Variants in SMCO2 observed in about 807,000 individuals in gnomAD.
The protein encoded by SMCO2 is single-pass membrane and coiled-coil domain-containing protein 2.
SMCO2 carries 25 observed loss-of-function variants against 29.5 expected under a neutral mutation model. The observed-to-expected ratio is 0.85, with a 90% CI of 0.62 to 1.18. The LOEUF is 1.18. SMCO2 is among the 50% of genes most tolerant of loss of function. The pLI is 0.00. For synonymous variants in SMCO2, 117 were observed against 123.3 expected (o/e 0.95, Z 0.34); for missense variants, 348 against 344.5 (o/e 1.01, Z -0.08).
exon 3 of SMCO2, chr12:27,472,861 G>A: frequency 6.5e-7 from 1 of 1,550,204 alleles, no homozygotes; most frequent in South Asian, 1.2e-5. Flanking sequence ...CCCTCAAACT[G>A]ACTTCCTTCA....
At chr12:27,456,133 T>C in the SMCO2 span, among the ~76,000 whole-genome samples, 2 of 152,320 alleles carry the variant, frequency 1.3e-5, no homozygotes, top group East Asian at 3.9e-4. Context: ...GAGAATCACT[T>C]GAACCCGGGA....
the SMCO2 span, among the ~76,000 whole-genome samples, chr12:27,436,749 T>C: frequency 1.3e-5 from 2 of 152,216 alleles, no homozygotes; most frequent in Non-Finnish European, 2.9e-5. Context: ...GGTATGTTCC[T>C]GGTGAGCTAG....
At chr12:27,490,223 A>G (rs1345479635) in intron 5 of SMCO2, among the ~76,000 whole-genome samples, 1 of 152,246 alleles carries the variant, frequency 6.6e-6, no homozygotes, top group Non-Finnish European at 1.5e-5. Context: ...AATGAATCAC[A>G]TGCATTACAG....
chr12:27,435,193 C>CTGTGGGA, the SMCO2 span, among the ~76,000 whole-genome samples: 3 of 144,976 alleles, frequency 2.1e-5, no homozygotes, highest in Non-Finnish European at 4.5e-5. Context: ...ATTATACATC[C>CTGTGGGA]TGTATAATTC....
the SMCO2 span, among the ~76,000 whole-genome samples, chr12:27,437,448 G>GTT: frequency 6.7e-6 from 1 of 148,396 alleles, no homozygotes. Flanking sequence ...GCAATTTTGG[G>GTT]TTTTTTTTTT....
chr12:27,491,633 G>A (rs139868620), intron 5 of SMCO2, among the ~76,000 whole-genome samples: 35 of 151,908 alleles, frequency 2.3e-4, no homozygotes, highest in African/African-American at 8.4e-4. Flanking sequence ...TAACTAGCAT[G>A]ATGCCTAGCG....
intron 5 of SMCO2, among the ~76,000 whole-genome samples, chr12:27,492,936 T>C (rs533515583): frequency 1.9e-4 from 29 of 152,122 alleles, no homozygotes; most frequent in Non-Finnish European, 3.5e-4. Flanking sequence ...TCAACCTAAA[T>C]GCCCATCAAT....
the SMCO2 span, among the ~76,000 whole-genome samples, chr12:27,433,506 TACACACACACAC>T: frequency 4.1e-5 from 6 of 147,866 alleles, no homozygotes; most frequent in East Asian, 6.0e-4. Flanking sequence ...CAGATGTGTA[TACACACACACAC>T]ACACACACAC....
At chr12:27,425,168 GCTCGTCTGT>G in the SMCO2 span, 1 of 151,602 alleles carries the variant, frequency 6.6e-6, no homozygotes, top group Non-Finnish European at 1.5e-5. Context: ...GTTCACTTGT[GCTCGTCTGT>G]ATATTGGTAT....
the SMCO2 span, among the ~76,000 whole-genome samples, chr12:27,440,008 GA>G: frequency 6.6e-6 from 1 of 152,088 alleles, no homozygotes; most frequent in East Asian, 1.9e-4. Context: ...TTAGAACACC[GA>G]ACAGATTCAA....
chr12:27,501,434 A>AC lies in SMCO2; in HGVS notation c.684-489_684-488insC, dbSNP rs1483521675. Among the ~76,000 whole-genome samples the AC allele has an allele frequency of 1.3e-3, 176 of 133,264 alleles. 4 individuals are homozygous for AC. The highest frequency in any genetic ancestry group is 4.4e-3 in the African/African-American group (143 of 32,204). The allele number at this position is 133,264 out of a possible 152,430, so 87.4% of individuals were successfully genotyped here. A position where few individuals can be genotyped will look rare whatever the true frequency, so the allele number is the denominator to read the frequency against. On this transcript the variant is annotated intron_variant, in intron 7 of 7. Coordinates refer to ENST00000298876, the Ensembl canonical transcript of SMCO2. ...CCGTCTCAAAAAAAAAAAAAAAAAA[A>AC]AAACAAACAAACAAAACAAAACAAA...
chr12:27,488,091 G>A (rs1369300135), intron 4 of SMCO2, among the ~76,000 whole-genome samples: 1 of 151,712 alleles, frequency 6.6e-6, no homozygotes, highest in Non-Finnish European at 1.5e-5. Flanking sequence ...ATTTTGATGA[G>A]GTTCAATTAT....
At chr12:27,441,945 A>G in the SMCO2 span, among the ~76,000 whole-genome samples, 2 of 152,232 alleles carry the variant, frequency 1.3e-5, no homozygotes, top group Non-Finnish European at 2.9e-5. Context: ...AAATTAAACA[A>G]CATGCTCCTG....
At chr12:27,494,508 A>ATTATT (rs1255140371) in intron 6 of SMCO2, among the ~76,000 whole-genome samples, 152 bp downstream of exon 7, 2 of 147,376 alleles carry the variant, frequency 1.4e-5, no homozygotes, top group African/African-American at 4.9e-5. Context: ...TATTATTATT[A>ATTATT]TTATTATTAT....
intron 4 of SMCO2, among the ~76,000 whole-genome samples, chr12:27,478,804 G>C (rs1190886600): frequency 1.3e-5 from 2 of 152,192 alleles, no homozygotes; most frequent in Admixed American, 1.3e-4. Context: ...GGTTGATCCT[G>C]AGGTTCCCAA....
intron 5 of SMCO2, among the ~76,000 whole-genome samples, chr12:27,490,497 A>C (rs965585575): frequency 1.3e-5 from 2 of 152,236 alleles, no homozygotes; most frequent in Non-Finnish European, 2.9e-5. Flanking sequence ...TTAAAAAGTG[A>C]GTTTTACTGT....
At chr12:27,495,850 A>G in exon 7 of SMCO2, 1 of 1,497,692 alleles carries the variant, frequency 6.7e-7, no homozygotes, top group Non-Finnish European at 9.0e-7. Flanking sequence ...CCCGCAATAC[A>G]GCATGGTAAG....
chr12:27,474,515 G>T (rs1949567415), intron 3 of SMCO2, among the ~76,000 whole-genome samples: 1 of 152,062 alleles, frequency 6.6e-6, no homozygotes, highest in Non-Finnish European at 1.5e-5. Context: ...GAGTTTTGGA[G>T]TCCGTGGTCA....
chr12:27,447,983 C>T, the SMCO2 span, among the ~76,000 whole-genome samples: 1 of 152,212 alleles, frequency 6.6e-6, no homozygotes, highest in Non-Finnish European at 1.5e-5. Flanking sequence ...GCCAAGTGGC[C>T]TGCAAGCTCC....
Sources: gnomAD v4.1 joint callset for allele counts (sites outside exome capture counted in the v4.1 genomes callset) on GRCh38, gnomAD v4.1.1 for gene constraint, MANE v1.5 for transcripts, NCBI Gene and HGNC (gene_info 2026-07-23, HGNC 2026-07-21) for gene names.